TTC29: variants seen among roughly 807,000 people sequenced by gnomAD.
The protein encoded by TTC29 is tetratricopeptide repeat protein 29.
A neutral mutation model predicts 58.1 loss-of-function variants in TTC29; 49 were observed. The ratio of observed to expected loss-of-function variants is 0.84; its 90% CI spans 0.67 to 1.07. The LOEUF is 1.07. TTC29 is among the 50% of genes least tolerant of loss of function. The pLI, the probability that TTC29 is intolerant of heterozygous loss-of-function variation, is 0.00. For synonymous variants in TTC29, 209 were observed against 196.8 expected, an observed-to-expected ratio of 1.06 and a Z score of -0.52; for missense variants, 582 against 555.6, an observed-to-expected ratio of 1.05 and a Z score of -0.48.
At chr4:146,834,450 A>C in intron 8 of TTC29, among the ~76,000 whole-genome samples, 1 of 152,188 alleles carries the variant, frequency 6.6e-6, no homozygotes, top group East Asian at 1.9e-4. Context: ...CAATAATCAA[A>C]AGATTACAGC....
intron 11 of TTC29, among the ~76,000 whole-genome samples, chr4:146,728,814 T>C (rs1288439300): frequency 4.3e-5 from 2 of 46,650 alleles, no homozygotes; most frequent in Non-Finnish European, 7.3e-5. Context: ...CACATATATA[T>C]GTGTATATAT....
At chr4:146,925,923 T>C (rs1367004942) in intron 4 of TTC29, among the ~76,000 whole-genome samples, 1 of 152,206 alleles carries the variant, frequency 6.6e-6, no homozygotes, top group African/African-American at 2.4e-5. Context: ...ACCATCCTTT[T>C]TTCTACTGCA....
intron 5 of TTC29, among the ~76,000 whole-genome samples, chr4:146,904,424 A>G (rs1733384916): frequency 6.6e-6 from 1 of 152,010 alleles, no homozygotes. Flanking sequence ...AAACTCTTGT[A>G]GGTTTTTTTT....
intron 8 of TTC29, among the ~76,000 whole-genome samples, chr4:146,843,494 C>T (rs780584162): frequency 2.6e-5 from 4 of 152,238 alleles, no homozygotes; most frequent in Admixed American, 1.3e-4. Context: ...CGTTGCCCAA[C>T]ACCTGAAGTG....
chr4:146,759,040 A>T (rs1276419732), intron 11 of TTC29, among the ~76,000 whole-genome samples: 2 of 152,142 alleles, frequency 1.3e-5, no homozygotes, highest in Non-Finnish European at 2.9e-5. Flanking sequence ...AACATAAAGG[A>T]AACAAAGAGC....
chr4:146,894,057 T>G (rs1469046039), intron 6 of TTC29, among the ~76,000 whole-genome samples: 1 of 152,178 alleles, frequency 6.6e-6, no homozygotes, highest in South Asian at 2.1e-4. Context: ...TGTGGAGAAA[T>G]AGGAACACTT....
intron 11 of TTC29, among the ~76,000 whole-genome samples, chr4:146,786,464 C>G (rs1461569175): frequency 2.0e-5 from 3 of 152,174 alleles, no homozygotes; most frequent in Non-Finnish European, 4.4e-5. Context: ...AATCATAGCA[C>G]CATGCTCTTC....
intron 11 of TTC29, among the ~76,000 whole-genome samples, chr4:146,796,611 C>T (rs1260578584): frequency 6.6e-6 from 1 of 151,958 alleles, no homozygotes; most frequent in African/African-American, 2.4e-5. Flanking sequence ...AGGATATAAT[C>T]CATTAGAGAT....
intron 8 of TTC29, 31 bp downstream of exon 8, chr4:146,867,467 A>G: frequency 9.1e-7 from 1 of 1,092,914 alleles, no homozygotes; most frequent in South Asian, 2.0e-5. Flanking sequence ...AATAAAAATT[A>G]AAAATGGCAG....
chr4:146,819,109 A>G (rs1036720744), intron 10 of TTC29, among the ~76,000 whole-genome samples: 1 of 150,978 alleles, frequency 6.6e-6, no homozygotes, highest in Admixed American at 6.6e-5. Context: ...GTATAACAAT[A>G]ATAAAAATAA....
At chr4:146,916,216 A>T (rs1734212277) in intron 4 of TTC29, among the ~76,000 whole-genome samples, 1 of 151,792 alleles carries the variant, frequency 6.6e-6, no homozygotes, top group Non-Finnish European at 1.5e-5. Flanking sequence ...TTCTTGACAT[A>T]CACCTACTAA....
chr4:146,773,986 C>A (rs1048405137), intron 11 of TTC29, among the ~76,000 whole-genome samples: 2 of 151,964 alleles, frequency 1.3e-5, no homozygotes, highest in African/African-American at 4.8e-5. Context: ...CTGTATGTTT[C>A]CAGGAATTTA....
chr4:146,768,513 T>C (rs1421590656), intron 11 of TTC29, among the ~76,000 whole-genome samples: 1 of 152,010 alleles, frequency 6.6e-6, no homozygotes, highest in Admixed American at 6.6e-5. Flanking sequence ...CTGGCTCAAA[T>C]TTATAAGACA....
In TTC29 at chr4:146,909,207, C is replaced by T; in HGVS notation, c.219G>A (p.Leu73=). The T allele has an allele frequency of 6.2e-7, 1 of 1,613,432 alleles. No homozygotes were observed. The highest frequency in any genetic ancestry group is 8.5e-7 in the Non-Finnish European group (1 of 1,179,788). Residue 73 remains leucine (L), a synonymous_variant, in exon 5 of 13, where the codon CTG becomes CTA. Transcript: ENST00000325106. The part of the protein sequence containing the change: ...SYKKNICVDM[L]RDGYHKSFTE... Reference sequence around the variant, plus strand: ...TGAAGGACTTATGATAACCATCTCGCAGCATGTCCACACAGATATTCTTCT... The same window carrying T: ...TGAAGGACTTATGATAACCATCTCGTAGCATGTCCACACAGATATTCTTCT...
chr4:146,743,230 A>G (rs1283228662), intron 11 of TTC29, among the ~76,000 whole-genome samples: 1 of 152,198 alleles, frequency 6.6e-6, no homozygotes, highest in Non-Finnish European at 1.5e-5. Flanking sequence ...TGAATGCAAT[A>G]CATAATTAAT....
Position 146,707,095 on chromosome 4 carries a change from G to A in TTC29, c.*63C>T, listed in dbSNP as rs1335971390. On this transcript the variant is annotated 3_prime_UTR_variant, in exon 13 of 13. Coordinates refer to ENST00000325106, the MANE Select transcript of TTC29 (RefSeq NM_031956.4). ...TATCTGTAACATGCTCCTATTACAA[G>A]TATTGAAGTCTAAGGTGACATGATG... The A allele has an allele frequency of 2.4e-6, 3 of 1,229,324 alleles. No homozygotes were observed. The African/African-American group carries it at 4.6e-5, about 19-fold the overall frequency. The allele number at this position is 1,229,324 out of a possible 1,614,324, so 76.2% of individuals were successfully genotyped here. A position where few individuals can be genotyped will look rare whatever the true frequency, so the allele number is the denominator to read the frequency against.
intron 10 of TTC29, among the ~76,000 whole-genome samples, chr4:146,810,332 A>G (rs775820185): frequency 1.4e-4 from 22 of 152,136 alleles, no homozygotes; most frequent in Admixed American, 6.5e-4. Context: ...GCAGCAAACC[A>G]CCATGGCACG....
At chr4:146,923,626 C>A (rs773185848) in intron 4 of TTC29, among the ~76,000 whole-genome samples, 21 of 151,888 alleles carry the variant, frequency 1.4e-4, no homozygotes, top group African/African-American at 5.1e-4. Context: ...GAAGAGACGC[C>A]GCTGTCAATG....
chr4:146,904,358 A>AT (rs997670918), intron 5 of TTC29, among the ~76,000 whole-genome samples: 48 of 152,122 alleles, frequency 3.2e-4, no homozygotes, highest in African/African-American at 1.0e-3. Context: ...TTCTATGGGT[A>AT]TTTTTTTGCT....
Sources: gnomAD v4.1 joint callset for allele counts (sites outside exome capture counted in the v4.1 genomes callset) on GRCh38, gnomAD v4.1.1 for gene constraint, MANE v1.5 for transcripts, NCBI Gene and HGNC (gene_info 2026-07-23, HGNC 2026-07-21) for gene names.